ABLIM3: variants seen among roughly 807,000 people sequenced by gnomAD.
ABLIM3 encodes the protein actin-binding LIM protein 3.
ABLIM3 carries 61 observed loss-of-function variants against 109.5 expected under a neutral mutation model. The observed-to-expected ratio is 0.56, with a 90% CI of 0.45 to 0.69. ABLIM3 has a LOEUF of 0.69. ABLIM3 is among the 30% of genes least tolerant of loss of function. ABLIM3 has a pLI of 0.00. For synonymous variants in ABLIM3, 300 were observed against 324.8 expected (o/e 0.92, Z 0.82); for missense variants, 796 against 889.5 (o/e 0.89, Z 1.34).
At chr5:149,249,043 G>T (rs1316906948) in intron 18 of ABLIM3, among the ~76,000 whole-genome samples, 1 of 152,164 alleles carries the variant, frequency 6.6e-6, no homozygotes, top group Non-Finnish European at 1.5e-5. Context: ...TTACACTCCT[G>T]GTAGAGCTGC....
intron 3 of ABLIM3, among the ~76,000 whole-genome samples, chr5:149,196,951 T>G (rs946816203): frequency 5.9e-5 from 9 of 152,192 alleles, no homozygotes; most frequent in African/African-American, 2.2e-4. Flanking sequence ...CTCCCTATTA[T>G]CCAAAAGAAT....
chr5:149,221,243 A>T (rs933984160), intron 8 of ABLIM3, among the ~76,000 whole-genome samples: 1 of 152,204 alleles, frequency 6.6e-6, no homozygotes, highest in Non-Finnish European at 1.5e-5. Context: ...AGGCCCACTT[A>T]CCTGGCACAC....
chr5:149,193,330 A>C (rs1235705440), intron 3 of ABLIM3, among the ~76,000 whole-genome samples: 4 of 152,206 alleles, frequency 2.6e-5, no homozygotes, highest in East Asian at 3.9e-4. Flanking sequence ...TTGCATTTGT[A>C]TTCACCATTA....
intron 11 of ABLIM3, among the ~76,000 whole-genome samples, chr5:149,239,001 C>T (rs953704937): frequency 5.9e-5 from 9 of 152,174 alleles, no homozygotes; most frequent in East Asian, 1.9e-4. Context: ...CGTGAGCCTT[C>T]GTATTCTCTC....
chr5:149,239,733 G>T, intron 12 of ABLIM3, 26 bp from the exon 13 acceptor site: 1 of 1,565,546 alleles, frequency 6.4e-7, no homozygotes, highest in Non-Finnish European at 8.6e-7. Flanking sequence ...AGCCAGCCAT[G>T]CTCACAGCCC....
intron 7 of ABLIM3, among the ~76,000 whole-genome samples, chr5:149,215,513 C>G (rs1759983627): frequency 9.6e-6 from 1 of 104,384 alleles, no homozygotes; most frequent in Non-Finnish European, 1.8e-5. Flanking sequence ...ATCTTCCACT[C>G]CCCCCACATA....
At chr5:149,213,128 G>A (rs554738344) in intron 7 of ABLIM3, among the ~76,000 whole-genome samples, 45 of 152,196 alleles carry the variant, frequency 3.0e-4, no homozygotes, top group African/African-American at 1.1e-3. Flanking sequence ...AGAAAAATGA[G>A]AAAAGAAAAG....
chr5:149,256,382 T>C (rs1754427428), intron 23 of ABLIM3, among the ~76,000 whole-genome samples: 1 of 152,210 alleles, frequency 6.6e-6, no homozygotes. Flanking sequence ...AAGGGGACTC[T>C]CCTATCCAAG....
At chr5:149,195,584 T>C (rs907412523) in intron 3 of ABLIM3, among the ~76,000 whole-genome samples, 3 of 150,952 alleles carry the variant, frequency 2.0e-5, no homozygotes, top group Non-Finnish European at 4.4e-5. Flanking sequence ...CTGGGAGAGG[T>C]GGCTCTGGGG....
At chr5:149,230,529 G>A (rs1761745387) in intron 8 of ABLIM3, 120 bp from the exon 9 acceptor site, 1 of 1,029,962 alleles carries the variant, frequency 9.7e-7, no homozygotes, top group Non-Finnish European at 1.5e-6. Flanking sequence ...AGCCAAGAGG[G>A]CCCTTCTGGC....
chr5:149,190,326 G>C (rs1415547415), intron 3 of ABLIM3, among the ~76,000 whole-genome samples: 1 of 152,148 alleles, frequency 6.6e-6, no homozygotes, highest in South Asian at 2.1e-4. Flanking sequence ...GCTAAAAAAT[G>C]GTTGAATTGT....
At chr5:149,229,019 T>A (rs1267479993) in intron 8 of ABLIM3, among the ~76,000 whole-genome samples, 1 of 152,202 alleles carries the variant, frequency 6.6e-6, no homozygotes, top group East Asian at 1.9e-4. Flanking sequence ...GACCTCTGTG[T>A]CCATCTCATC....
chr5:149,192,337 C>T (rs1757556918), intron 3 of ABLIM3, among the ~76,000 whole-genome samples: 1 of 151,612 alleles, frequency 6.6e-6, no homozygotes, highest in Admixed American at 6.6e-5. Flanking sequence ...GAAAAGAACC[C>T]ATTGGTCACT....
At chr5:149,180,720 G>T (rs1174548066) in intron 2 of ABLIM3, among the ~76,000 whole-genome samples, 1 of 152,186 alleles carries the variant, frequency 6.6e-6, no homozygotes, top group Non-Finnish European at 1.5e-5. Context: ...ACAAACATCA[G>T]AGCTCTGGCC....
At chr5:149,170,235 T>C (rs1262422285) in intron 2 of ABLIM3, among the ~76,000 whole-genome samples, 2 of 149,936 alleles carry the variant, frequency 1.3e-5, no homozygotes, top group African/African-American at 5.0e-5. Flanking sequence ...TGTTTCTCTC[T>C]CTCTCTCTCT....
Position 149,259,452 on chromosome 5 carries a change from T to C in ABLIM3, c.*1048T>C. ...AGGCCGTGTCTCAAAGAAAGGTTCTTGGTCTATGCCTCTGGTCTGTGGGCT... is the reference window on the plus strand; with the variant it reads ...AGGCCGTGTCTCAAAGAAAGGTTCTCGGTCTATGCCTCTGGTCTGTGGGCT... On this transcript the variant is annotated 3_prime_UTR_variant, in exon 24 of 24. Coordinates refer to ENST00000309868, the MANE Select transcript of ABLIM3 (RefSeq NM_014945.5). 2 of 1,531,826 alleles carry C rather than the reference T, an allele frequency of 1.3e-6. No homozygotes were observed. Among genetic ancestry groups the C allele is most frequent in the Non-Finnish European group, 1.7e-6 (2 of 1,144,342 alleles). 94.9% of individuals were successfully genotyped at this position (1,531,826 alleles called of 1,614,324 possible). A position where few individuals can be genotyped will look rare whatever the true frequency, so the allele number is the denominator to read the frequency against.
intron 16 of ABLIM3, 73 bp from the exon 17 acceptor site, chr5:149,246,409 T>TA (rs34340554): frequency 5.3e-4 from 734 of 1,373,748 alleles, no homozygotes; most frequent in South Asian, 6.3e-4. Context: ...TTTTCTTTTT[T>TA]AAAAAAAAAA....
chr5:149,236,033 G>A (rs2127553292), intron 10 of ABLIM3, among the ~76,000 whole-genome samples: 1 of 152,264 alleles, frequency 6.6e-6, no homozygotes, highest in Non-Finnish European at 1.5e-5. Context: ...AGGTTGCCAG[G>A]GGAATAAGTG....
chr5:149,252,168 A>G, intron 21 of ABLIM3, 33 bp from the exon 22 acceptor site: 1 of 1,613,506 alleles, frequency 6.2e-7, no homozygotes. Flanking sequence ...GATGGGCTCC[A>G]TTCTGTGTGT....
Sources: gnomAD v4.1 joint callset for allele counts (sites outside exome capture counted in the v4.1 genomes callset) on GRCh38, gnomAD v4.1.1 for gene constraint, MANE v1.5 for transcripts, NCBI Gene and HGNC (gene_info 2026-07-23, HGNC 2026-07-21) for gene names.